Variants in RTP3 observed in about 807,000 individuals in gnomAD.
RTP3 encodes the protein receptor-transporting protein 3.
Under a neutral mutation model 6.2 loss-of-function variants are expected in RTP3, and 2 were observed. The observed-to-expected ratio is 0.32, with a 90% CI of 0.13 to 1.02. The LOEUF is 1.02. Among genes scored for constraint, RTP3 ranks in the 50% least tolerant of loss-of-function variants. RTP3 has a pLI of 0.47. For synonymous variants in RTP3, 106 were observed against 98.3 expected (o/e 1.08, Z -0.47); for missense variants, 252 against 280.8 (o/e 0.90, Z 0.73).
chr3:46,499,719 C>T (rs1227166841), intron 1 of RTP3, among the ~76,000 whole-genome samples: 4 of 152,166 alleles, frequency 2.6e-5, no homozygotes, highest in Non-Finnish European at 5.9e-5. Flanking sequence ...AGCAAGGGAA[C>T]TGGGTTGGAG....
At chr3:46,498,971 G>T (rs1703677176) in intron 1 of RTP3, among the ~76,000 whole-genome samples, 1 of 152,248 alleles carries the variant, frequency 6.6e-6, no homozygotes, top group Non-Finnish European at 1.5e-5. Flanking sequence ...ACAAGCACAG[G>T]AACAGAGCAC....
intron 1 of RTP3, among the ~76,000 whole-genome samples, chr3:46,498,687 T>C (rs1008265453): frequency 6.6e-6 from 1 of 152,170 alleles, no homozygotes; most frequent in African/African-American, 2.4e-5. Flanking sequence ...TCTGAGCTGA[T>C]AGAATCTTTT....
In RTP3 at chr3:46,500,937, G is replaced by A. The variant is rs760042097; in HGVS notation, c.*38G>A. 8 of 1,501,050 alleles carry A rather than the reference G, an allele frequency of 5.3e-6. No homozygotes were observed. The highest frequency in any genetic ancestry group is 7.2e-6 in the Non-Finnish European group (8 of 1,118,170). 93.0% of individuals were successfully genotyped at this position (1,501,050 alleles called of 1,614,324 possible). A position where few individuals can be genotyped will look rare whatever the true frequency, so the allele number is the denominator to read the frequency against. ...TGAAGCTAAGTCAGAAAAAAAATCA[G>A]ATACAAAAAGTCATATGTTGTATGA... On this transcript the variant is annotated 3_prime_UTR_variant, in exon 2 of 2. Transcript: ENST00000296142.
At position 46,500,906 on chromosome 3, in the gene RTP3, G is replaced by A; in HGVS notation, c.*7G>A. On this transcript the variant is annotated 3_prime_UTR_variant, in exon 2 of 2. Coordinates refer to ENST00000296142, the MANE Select transcript of RTP3 (RefSeq NM_031440.2). ...TGTAAAAACTGCTATATGAGCCTTG[G>A]AAACATGAAGCTAAGTCAGAAAAAA... 6.5e-7 allele frequency: 1 copy of A among 1,546,114 alleles called. No homozygotes were observed. Among genetic ancestry groups the A allele is most frequent in the Non-Finnish European group, 8.7e-7 (1 of 1,150,986 alleles).
intron 1 of RTP3, among the ~76,000 whole-genome samples, chr3:46,498,880 G>A (rs934442581): frequency 3.9e-5 from 6 of 152,322 alleles, no homozygotes; most frequent in African/African-American, 1.2e-4. Flanking sequence ...CTGGCCTATG[G>A]CTATCCCAGG....
intron 1 of RTP3, among the ~76,000 whole-genome samples, chr3:46,498,848 T>C (rs1703676290): frequency 6.6e-6 from 1 of 152,132 alleles, no homozygotes; most frequent in African/African-American, 2.4e-5. Context: ...AGAGTCTACA[T>C]AGAGGGGGCA....
intron 1 of RTP3, among the ~76,000 whole-genome samples, chr3:46,498,904 T>C (rs947310310): frequency 6.6e-6 from 1 of 152,222 alleles, no homozygotes; most frequent in Non-Finnish European, 1.5e-5. Flanking sequence ...GGAGCTGCCA[T>C]AGGGAGCATT....
rs1703667047 is a variant in RTP3, at chr3:46,498,009, A to T, written c.-54A>T. The T allele has an allele frequency of 6.2e-7, 1 of 1,602,444 alleles. No homozygotes were observed. Among genetic ancestry groups the T allele is most frequent in the South Asian group, 1.1e-5 (1 of 90,562 alleles). Reference sequence around the variant, plus strand: ...TCAGAAACCTCATCTCCCACTACAGACCTGCCAGGGCCCAGGAGAGCTCGA... The same window carrying T: ...TCAGAAACCTCATCTCCCACTACAGTCCTGCCAGGGCCCAGGAGAGCTCGA... On this transcript the variant is annotated 5_prime_UTR_variant, in exon 1 of 2. Transcript: ENST00000296142.
Position 46,500,695 on chromosome 3 carries a change from C to T in RTP3, c.495C>T (p.Pro165=), listed in dbSNP as rs1331709248. 6.2e-7 allele frequency: 1 copy of T among 1,613,694 alleles called. No individual in the cohort carries two copies. Among genetic ancestry groups the T allele is most frequent in the African/African-American group, 1.3e-5 (1 of 74,914 alleles). Residue 165 remains proline, a synonymous_variant, in exon 2 of 2, where the codon CCC becomes CCT. Transcript: ENST00000296142. The stretch of plus-strand genomic sequence containing the variant: ...GTCTGCAGGGCTTCTGTGCTGGGCC[C>T]ATACAGGTTACAAGCCTCCCCCCAT... The part of the protein sequence containing the change: ...EACLQGFCAG[P]IQVTSLPPSQ...
Position 46,500,761 on chromosome 3 carries a change from G to A in RTP3, c.561G>A (p.Glu187=), listed in dbSNP as rs1386213896. The A allele has an allele frequency of 1.2e-6, 2 of 1,614,144 alleles. No individual in the cohort carries two copies. The highest frequency in any genetic ancestry group is 8.5e-7 in the Non-Finnish European group (1 of 1,180,034). The part of the protein sequence containing the change: ...PRVHSIYKVE[E]VVKPWASGEN... ...TACACTCCATTTACAAGGTGGAGGA[G>A]GTAGTTAAGCCCTGGGCCTCAGGAG... is the stretch of plus-strand genomic sequence containing the variant. The change falls in exon 2 of 2, where the codon GAG becomes GAA. Residue 187 remains glutamate (E), a synonymous_variant. Coordinates refer to ENST00000296142, the MANE Select transcript of RTP3 (RefSeq NM_031440.2).
intron 1 of RTP3, 57 bp from the exon 2 acceptor site, chr3:46,500,299 A>G: frequency 1.3e-6 from 2 of 1,522,070 alleles, no homozygotes; most frequent in Non-Finnish European, 1.8e-6. Flanking sequence ...TCTCTCTGGC[A>G]GTTCCCCGTG....
chr3:46,498,492 A>G (rs1362576195), intron 1 of RTP3, among the ~76,000 whole-genome samples: 3 of 151,998 alleles, frequency 2.0e-5, no homozygotes, highest in African/African-American at 7.3e-5. Context: ...CAGCCAGGAA[A>G]GGGGAGGGGA....
At position 46,500,458 on chromosome 3, in the gene RTP3, G is replaced by A. The variant is rs757914880; in HGVS notation, c.258G>A (p.Met86Ile). The change falls in exon 2 of 2, where the codon ATG becomes ATA. Residue 86 changes from methionine (M) to isoleucine (I), a missense_variant. Physicochemically the swap from Met to Ile is conservative, Grantham distance 10. Coordinates refer to ENST00000296142, the MANE Select transcript of RTP3 (RefSeq NM_031440.2). ...AGAAGTCCAGGGGCCAGGTGAAGAT[G>A]AGGGTGTTTACCCAGAGATGTAAGA... ...SEEKSRGQVK[M>I]RVFTQRCKKC... The A allele has an allele frequency of 3.1e-6, 5 of 1,614,118 alleles. No individual in the cohort carries two copies. Among genetic ancestry groups the A allele is most frequent in the Admixed American group, 1.7e-5 (1 of 60,004 alleles).
At chr3:46,499,017 A>T (rs1302326396) in intron 1 of RTP3, among the ~76,000 whole-genome samples, 1 of 152,260 alleles carries the variant, frequency 6.6e-6, no homozygotes, top group Non-Finnish European at 1.5e-5. Context: ...TTCTGCTCAG[A>T]ACAGGGCCCA....
rs1314693596 is a variant in RTP3, at chr3:46,500,867, A to G, written c.667A>G (p.Ile223Val). The G allele has an allele frequency of 2.5e-6, 4 of 1,589,896 alleles. No homozygotes were observed. In the South Asian group the frequency reaches 3.5e-5, roughly 14 times the overall value. The change falls in exon 2 of 2, where the codon ATC (isoleucine) becomes GTC (valine). Residue 223 changes from isoleucine (I) to valine (V), a missense_variant. Transcript: ENST00000296142. ...CTGCTGTTGTGTCATTCTCATTGTT[A>G]TCGTGGTGATTGTTGTAAAAACTGC... ...IFCCCVILIV[I>V]VVIVVKTAI is the part of the protein sequence containing the mutation.
At position 46,500,720 on chromosome 3, in the gene RTP3, T is replaced by A. The variant is rs1266303492; in HGVS notation, c.520T>A (p.Ser174Thr). The change falls in exon 2 of 2, where the codon TCT becomes ACT. Residue 174 changes from serine to threonine, a missense_variant. Coordinates refer to ENST00000296142, the MANE Select transcript of RTP3 (RefSeq NM_031440.2). ...CATACAGGTTACAAGCCTCCCCCCA[T>A]CTCAGACCCCAAGAGTACACTCCAT... Reference protein sequence around the residue: ...GPIQVTSLPPSQTPRVHSIYK... With the variant: ...GPIQVTSLPPTQTPRVHSIYK... 1.2e-6 allele frequency: 2 copies of A among 1,613,826 alleles called. No individual in the cohort carries two copies. Among genetic ancestry groups the A allele is most frequent in the Admixed American group, 3.3e-5 (2 of 59,958 alleles).
intron 1 of RTP3, among the ~76,000 whole-genome samples, chr3:46,498,526 G>A (rs1163336406): frequency 1.3e-5 from 2 of 152,162 alleles, no homozygotes; most frequent in Admixed American, 1.3e-4. Flanking sequence ...TTGCACCCAC[G>A]GGCGGTGCAT....
At chr3:46,500,280 G>A in intron 1 of RTP3, 76 bp from the exon 2 acceptor site, 1 of 1,477,992 alleles carries the variant, frequency 6.8e-7, no homozygotes. Context: ...GCAGTCGGTA[G>A]CTCCTTTCTC....
rs1402836347 is a variant in RTP3, at chr3:46,500,938, A to T, written c.*39A>T. ...GAAGCTAAGTCAGAAAAAAAATCAG[A>T]TACAAAAAGTCATATGTTGTATGAT... On this transcript the variant is annotated 3_prime_UTR_variant, in exon 2 of 2. Transcript: ENST00000296142. The T allele has an allele frequency of 6.7e-6, 10 of 1,500,108 alleles. No individual in the cohort carries two copies. Among genetic ancestry groups the T allele is most frequent in the Non-Finnish European group, 9.0e-6 (10 of 1,117,020 alleles). 92.9% of individuals were successfully genotyped at this position (1,500,108 alleles called of 1,614,324 possible). A position where few individuals can be genotyped will look rare whatever the true frequency, so the allele number is the denominator to read the frequency against.
Sources: gnomAD v4.1 joint callset for allele counts (sites outside exome capture counted in the v4.1 genomes callset) on GRCh38, gnomAD v4.1.1 for gene constraint, MANE v1.5 for transcripts, NCBI Gene and HGNC (gene_info 2026-07-23, HGNC 2026-07-21) for gene names.